Variants in CPSF6 observed in about 807,000 individuals in gnomAD.
CPSF6 encodes cleavage and polyadenylation specific factor 6, also known as cleavage and polyadenylation specificity factor subunit 6.
Under a neutral mutation model 56.7 loss-of-function variants are expected in CPSF6, and 10 were observed. The observed-to-expected ratio is 0.18, with a 90% CI of 0.11 to 0.30. CPSF6 has a LOEUF of 0.30. Ranked by LOEUF, CPSF6 falls within the 10% of genes least tolerant of loss-of-function variation. CPSF6 has a pLI of 1.00. For missense variants in CPSF6, 419 were observed against 722.9 expected (o/e 0.58, Z 4.82); for synonymous variants, 248 against 244.8 (o/e 1.01, Z -0.12).
Position 69,257,920 on chromosome 12 carries a change from A to G in CPSF6, c.694+15A>G, listed in dbSNP as rs2231696. The G allele has an allele frequency of 0.017, 27,681 of 1,589,470 alleles. 289 individuals are homozygous for G. Among genetic ancestry groups the G allele is most frequent in the Non-Finnish European group, 0.021 (24,624 of 1,170,592 alleles). Reference sequence around the variant, plus strand: ...ACCTTTTCCAGGTAAAACTTTTCTTAAATTACCATGGATAAAACATGTCTA... The same window carrying G: ...ACCTTTTCCAGGTAAAACTTTTCTTGAATTACCATGGATAAAACATGTCTA... On this transcript the variant is annotated intron_variant, in intron 5 of 9. Transcript: ENST00000435070.
intron 1 of CPSF6, among the ~76,000 whole-genome samples, chr12:69,240,512 C>T (rs908921214): frequency 9.2e-5 from 14 of 151,922 alleles, no homozygotes; most frequent in Non-Finnish European, 1.8e-4. Context: ...TGGCCGGGGA[C>T]CAAAAGGAAG....
rs549260626 is a variant in CPSF6 at position 69,253,039 on chromosome 12, A to C, written c.271-12A>C. Reference sequence around the variant, plus strand: ...TATTTTAATGGTTAATGAGGGGGAAAATATCTTGCAGTGGACAACAGATGA... The same window carrying C: ...TATTTTAATGGTTAATGAGGGGGAACATATCTTGCAGTGGACAACAGATGA... On this transcript the variant is annotated splice_polypyrimidine_tract_variant and intron_variant, in intron 2 of 9. Transcript: ENST00000435070. The C allele has an allele frequency of 1.4e-6, 2 of 1,460,830 alleles. No individual in the cohort carries two copies. Among genetic ancestry groups the C allele is most frequent in the Admixed American group, 4.4e-5 (2 of 45,088 alleles). The allele number at this position is 1,460,830 out of a possible 1,614,324, so 90.5% of individuals were successfully genotyped here.
At chr12:69,257,207 A>G (rs1872548736) in intron 4 of CPSF6, among the ~76,000 whole-genome samples, 1 of 152,204 alleles carries the variant, frequency 6.6e-6, no homozygotes, top group Non-Finnish European at 1.5e-5. Context: ...ATCACTGATA[A>G]CCAGAAAATG....
In CPSF6 at chr12:69,270,690, T is replaced by C. The variant is rs934508188; in HGVS notation, c.*1182T>C. On this transcript the variant is annotated 3_prime_UTR_variant, in exon 10 of 10. Coordinates refer to ENST00000435070, the MANE Select transcript of CPSF6 (RefSeq NM_007007.3). ...TATGTATATTCATGCACCGTATTGA[T>C]TCATGCTATAGTTACTTAATCAAAG... The C allele has an allele frequency of 6.6e-6, 1 of 151,730 alleles. No individual in the cohort carries two copies. The highest frequency in any genetic ancestry group is 1.5e-5 in the Non-Finnish European group (1 of 67,660). 9.4% of individuals were successfully genotyped at this position (151,730 alleles called of 1,614,324 possible).
At chr12:69,242,070 A>G (rs895669215) in intron 1 of CPSF6, among the ~76,000 whole-genome samples, 1 of 152,210 alleles carries the variant, frequency 6.6e-6, no homozygotes, top group African/African-American at 2.4e-5. Context: ...AACTGATTTA[A>G]TCTTTACTAG....
At position 69,272,107 on chromosome 12, in the gene CPSF6, G is replaced by A. The variant is rs1439279809; in HGVS notation, c.*2599G>A. 3.3e-5 allele frequency: 5 copies of A among 151,224 alleles called. No individual in the cohort carries two copies. The highest frequency in any genetic ancestry group is 2.0e-4 in the Admixed American group (3 of 15,194). The allele number at this position is 151,224 out of a possible 1,614,324, so 9.4% of individuals were successfully genotyped here. On this transcript the variant is annotated 3_prime_UTR_variant, in exon 10 of 10. Transcript: ENST00000435070. ...ATTGAAAGTGCTGCTTTTGGTTAAA[G>A]GAACTATGTTGTGGAAAGCATATTC...
chr12:69,244,083 G>C (rs1236835775), intron 1 of CPSF6, among the ~76,000 whole-genome samples: 1 of 152,060 alleles, frequency 6.6e-6, no homozygotes, highest in African/African-American at 2.4e-5. Flanking sequence ...TGACCTACCA[G>C]TGTTGGGATT....
At chr12:69,250,330 T>G (rs953749981) in intron 1 of CPSF6, among the ~76,000 whole-genome samples, 2 of 152,086 alleles carry the variant, frequency 1.3e-5, no homozygotes, top group Non-Finnish European at 2.9e-5. Flanking sequence ...TCTATTTGCA[T>G]TTGTGTGTTA....
chr12:69,253,924 T>A (rs1184974844), intron 3 of CPSF6, among the ~76,000 whole-genome samples: 2 of 152,188 alleles, frequency 1.3e-5, no homozygotes, highest in Non-Finnish European at 2.9e-5. Context: ...GATTTTCTTT[T>A]AAGGATAAAT....
At chr12:69,267,790 G>A (rs1442909910) in intron 9 of CPSF6, among the ~76,000 whole-genome samples, 2 of 151,762 alleles carry the variant, frequency 1.3e-5, no homozygotes, top group Non-Finnish European at 3.0e-5. Flanking sequence ...TAATAGAAAA[G>A]ATCTATCTAT....
rs558993397 is a variant in CPSF6, at chr12:69,254,117, G to T, written c.374+963G>T. Among the ~76,000 whole-genome samples, 8 of 151,908 alleles carry T rather than the reference G, an allele frequency of 5.3e-5. No homozygotes were observed. In the South Asian group the frequency reaches 1.5e-3, roughly 28 times the overall value. Reference sequence around the variant, plus strand: ...ACTATCATCTCTCACTTAAACTTTGGCAGTAGCTTCCTAACTGGAAGTATA... The same window carrying T: ...ACTATCATCTCTCACTTAAACTTTGTCAGTAGCTTCCTAACTGGAAGTATA... On this transcript the variant is annotated intron_variant, in intron 3 of 9. Transcript: ENST00000435070.
At chr12:69,245,072 A>G (rs1445759596) in intron 1 of CPSF6, among the ~76,000 whole-genome samples, 3 of 150,062 alleles carry the variant, frequency 2.0e-5, no homozygotes, top group Non-Finnish European at 4.4e-5. Flanking sequence ...AGCTTGGCCA[A>G]CATGTCGAAA....
intron 1 of CPSF6, among the ~76,000 whole-genome samples, chr12:69,243,069 T>C (rs1871708358): frequency 6.6e-6 from 1 of 152,046 alleles, no homozygotes; most frequent in South Asian, 2.1e-4. Flanking sequence ...ATCGGGCCAC[T>C]GCACTCCAGC....
intron 1 of CPSF6, among the ~76,000 whole-genome samples, chr12:69,244,185 CTATA>C (rs1938102000): frequency 6.6e-6 from 1 of 152,142 alleles, no homozygotes; most frequent in South Asian, 2.1e-4. Flanking sequence ...CATTGTGTAA[CTATA>C]TAAAATATTT....
At chr12:69,266,619 C>T (rs1422656352) in intron 9 of CPSF6, among the ~76,000 whole-genome samples, 1 of 152,030 alleles carries the variant, frequency 6.6e-6, no homozygotes, top group Non-Finnish European at 1.5e-5. Flanking sequence ...TTTAAAGAAA[C>T]CTAATAACCA....
chr12:69,273,367 G>T lies in CPSF6; in HGVS notation c.*3859G>T. The T allele has an allele frequency of 4.9e-6, 1 of 202,916 alleles. No individual in the cohort carries two copies. The highest frequency in any genetic ancestry group is 1.1e-5 in the Non-Finnish European group (1 of 94,498). 12.6% of individuals were successfully genotyped at this position (202,916 alleles called of 1,614,324 possible). ...TATAAATACTTGATTATATACGACAGATTTTAATGTCTTTAAAGACTTCCT... is the reference window on the plus strand; with the variant it reads ...TATAAATACTTGATTATATACGACATATTTTAATGTCTTTAAAGACTTCCT... On this transcript the variant is annotated 3_prime_UTR_variant, in exon 10 of 10. Coordinates refer to ENST00000435070, the MANE Select transcript of CPSF6 (RefSeq NM_007007.3).
chr12:69,273,107 T>A lies in CPSF6; in HGVS notation c.*3599T>A, dbSNP rs1475193163. ...TAAATCAAGATTCAGGATTAAAGTT[T>A]CATTGTAAGTTGAAATAGAAAATGT... On this transcript the variant is annotated 3_prime_UTR_variant, in exon 10 of 10. Coordinates refer to ENST00000435070, the MANE Select transcript of CPSF6 (RefSeq NM_007007.3). The A allele has an allele frequency of 2.3e-6, 1 of 444,278 alleles. No homozygotes were observed. The highest frequency in any genetic ancestry group is 4.6e-6 in the Non-Finnish European group (1 of 216,638). 27.5% of individuals were successfully genotyped at this position (444,278 alleles called of 1,614,324 possible). A position where few individuals can be genotyped will look rare whatever the true frequency, so the allele number is the denominator to read the frequency against.
At chr12:69,246,963 C>A (rs1202119801) in intron 1 of CPSF6, among the ~76,000 whole-genome samples, 1 of 152,050 alleles carries the variant, frequency 6.6e-6, no homozygotes, top group Non-Finnish European at 1.5e-5. Context: ...CCATGCCTAG[C>A]CTCGAATGAT....
Position 69,273,557 on chromosome 12 carries a change from T to TC in CPSF6, c.*4050dup, listed in dbSNP as rs1873354054. 6.6e-6 allele frequency: 1 copy of TC among 152,596 alleles called. No homozygotes were observed. The highest frequency in any genetic ancestry group is 1.5e-5 in the Non-Finnish European group (1 of 68,246). The allele number at this position is 152,596 out of a possible 1,614,324, so 9.5% of individuals were successfully genotyped here. A position where few individuals can be genotyped will look rare whatever the true frequency, so the allele number is the denominator to read the frequency against. On this transcript the variant is annotated 3_prime_UTR_variant, in exon 10 of 10. Transcript: ENST00000435070. ...TGGGTGTAAATGTTTTACATTAATT[T>TC]CATAATTGGACAGACCCTGCATTTA...
Sources: gnomAD v4.1 joint callset for allele counts (sites outside exome capture counted in the v4.1 genomes callset) on GRCh38, gnomAD v4.1.1 for gene constraint, MANE v1.5 for transcripts, NCBI Gene and HGNC (gene_info 2026-07-23, HGNC 2026-07-21) for gene names.